DST: variants seen among roughly 807,000 people sequenced by gnomAD.
The protein encoded by DST is dystonin, also known as bullous pemphigoid antigen.
In DST, 253 loss-of-function variants were observed where a neutral mutation model predicts 875.2. The ratio of observed to expected loss-of-function variants is 0.29; its 90% confidence interval spans 0.26 to 0.32. The LOEUF (loss-of-function observed/expected upper bound fraction) is 0.32, where lower values mean the gene tolerates loss of function less well. DST is among the 10% of genes least tolerant of loss of function. The pLI is 1.00. For synonymous variants in DST, 3,124 were observed against 3,197.1 expected, an observed-to-expected ratio of 0.98 and a Z score of 0.77; for missense variants, 8,287 against 9,111.6, an observed-to-expected ratio of 0.91 and a Z score of 3.68.
At chr6:56,559,234 T>C (rs995477408) in intron 58 of DST, among the ~76,000 whole-genome samples, 3 of 151,928 alleles carry the variant, frequency 2.0e-5, no homozygotes, top group African/African-American at 7.3e-5. Context: ...ATCCAGAAGG[T>C]TTTTTGAACT....
chr6:56,742,694 T>A (rs1563965405), intron 4 of DST, among the ~76,000 whole-genome samples: 1 of 152,162 alleles, frequency 6.6e-6, no homozygotes, highest in Non-Finnish European at 1.5e-5. Flanking sequence ...AACTAACTCA[T>A]CACATTCTCT....
At chr6:56,917,248 CT>C (rs1370049286) in intron 2 of DST, among the ~76,000 whole-genome samples, 1 of 152,146 alleles carries the variant, frequency 6.6e-6, no homozygotes, top group East Asian at 1.9e-4. Flanking sequence ...TGAAGACACA[CT>C]TAGCAAGAAA....
intron 58 of DST, among the ~76,000 whole-genome samples, chr6:56,558,275 G>T (rs1385656710): frequency 6.6e-6 from 1 of 152,016 alleles, no homozygotes; most frequent in East Asian, 1.9e-4. Flanking sequence ...ATATATAGTA[G>T]ATATGTATTT....
chr6:56,605,035 T>A lies in DST; in HGVS notation c.9593A>T (p.Lys3198Ile), dbSNP rs1170736565. The A allele has an allele frequency of 1.9e-6, 3 of 1,612,956 alleles. No individual in the cohort carries two copies. Among genetic ancestry groups the A allele is most frequent in the Non-Finnish European group, 1.7e-6 (2 of 1,179,356 alleles). Reference sequence around the variant, plus strand: ...ATGGCTTGGGACATCTTCATTTGGTTTGGCTACATCTTTTGCTTTTATATT... The same window carrying A: ...ATGGCTTGGGACATCTTCATTTGGTATGGCTACATCTTTTGCTTTTATATT... ...AKNIKAKDVAKPNEDVPSHVL... is the reference protein window; with the variant it reads ...AKNIKAKDVAIPNEDVPSHVL... The change falls in exon 40 of 104, where the codon AAA becomes ATA. Residue 3198 changes from lysine to isoleucine, a missense_variant. Physicochemically the swap from Lys to Ile is moderately radical, Grantham distance 102. Coordinates refer to ENST00000680361, the MANE Select transcript of DST (RefSeq NM_001374736.1).
chr6:56,808,070 T>C (rs2099755295), intron 4 of DST, among the ~76,000 whole-genome samples: 1 of 152,170 alleles, frequency 6.6e-6, no homozygotes, highest in African/African-American at 2.4e-5. Context: ...CAAGTTCTGG[T>C]TTAAACATCA....
chr6:56,704,468 G>A (rs1321154326), intron 5 of DST, 99 bp from the exon 6 acceptor site: 1 of 599,070 alleles, frequency 1.7e-6, no homozygotes, highest in Non-Finnish European at 2.9e-6. Flanking sequence ...TTCCTCACAT[G>A]GTATTCATTC....
At position 56,610,523 on chromosome 6, in the gene DST, C is replaced by A; in HGVS notation, c.5187G>T (p.Val1729=). 6.4e-7 allele frequency: 1 copy of A among 1,564,628 alleles called. No individual in the cohort carries two copies. Among genetic ancestry groups the A allele is most frequent in the South Asian group, 1.2e-5 (1 of 82,524 alleles). The change falls in exon 39 of 104, where the codon GTG becomes GTT. Residue 1729 remains valine (V), a synonymous_variant. Coordinates refer to ENST00000680361, the MANE Select transcript of DST (RefSeq NM_001374736.1). ...DEERNELEKQ[V]KTLQESYNLL... ...AATTATAACTTTCCTGAAGAGTTTT[C>A]ACTTGTTTTTCCAATTCATTTCTTT...
chr6:56,462,275 C>A (rs924250794), intron 102 of DST, among the ~76,000 whole-genome samples: 1 of 152,130 alleles, frequency 6.6e-6, no homozygotes, highest in Non-Finnish European at 1.5e-5. Context: ...AAAAGATATA[C>A]AGCTGATTTT....
intron 3 of DST, among the ~76,000 whole-genome samples, chr6:56,883,471 A>G (rs1462984165): frequency 1.3e-5 from 2 of 152,234 alleles, no homozygotes; most frequent in Admixed American, 6.5e-5. Flanking sequence ...GGAGATGGCC[A>G]TAAGAACAAT....
In DST at chr6:56,857,372, C is replaced by T. The variant is rs1285083793; in HGVS notation, c.418-5768G>A. Among the ~76,000 whole-genome samples, 4 of 152,090 alleles carry T rather than the reference C, an allele frequency of 2.6e-5. No homozygotes were observed. The East Asian group carries it at 7.7e-4, about 29-fold the overall frequency. On this transcript the variant is annotated intron_variant, in intron 3 of 103. Coordinates refer to ENST00000680361, the MANE Select transcript of DST (RefSeq NM_001374736.1). Reference sequence around the variant, plus strand: ...GTGTTGCTTAGTTTATTCCTGTGCTCACAAAATCAACAGGTGCAGGTTGCA... The same window carrying T: ...GTGTTGCTTAGTTTATTCCTGTGCTTACAAAATCAACAGGTGCAGGTTGCA...
intron 2 of DST, among the ~76,000 whole-genome samples, chr6:56,914,608 A>C (rs1446612630): frequency 6.6e-6 from 1 of 152,214 alleles, no homozygotes; most frequent in Non-Finnish European, 1.5e-5. Context: ...GGCACTCCCC[A>C]ATAAATCTCC....
chr6:56,779,120 TTCTC>T (rs1274879104), intron 4 of DST, among the ~76,000 whole-genome samples: 1 of 152,126 alleles, frequency 6.6e-6, no homozygotes, highest in Non-Finnish European at 1.5e-5. Context: ...TGATTTGCAT[TTCTC>T]TGATGGCCAG....
At chr6:56,484,739 T>G (rs947240713) in intron 88 of DST, 1 of 152,378 alleles carries the variant, frequency 6.6e-6, no homozygotes, top group Non-Finnish European at 1.5e-5. Flanking sequence ...CAGTTTTACA[T>G]GCATATCAGG....
chr6:56,582,754 C>T (rs139768837), intron 49 of DST, among the ~76,000 whole-genome samples: 269 of 152,056 alleles, frequency 1.8e-3, no homozygotes, highest in African/African-American at 6.1e-3. Flanking sequence ...CCTACCCCCA[C>T]CCCACAACAG....
chr6:56,624,223 T>C, intron 36 of DST: 1 of 586,102 alleles, frequency 1.7e-6, no homozygotes, highest in Admixed American at 3.0e-5. Context: ...CCGAAAAATA[T>C]TCTGCCAAAC....
intron 4 of DST, among the ~76,000 whole-genome samples, chr6:56,784,831 C>T (rs1475423458): frequency 6.6e-6 from 1 of 152,176 alleles, no homozygotes; most frequent in Non-Finnish European, 1.5e-5. Context: ...TTTTTCTGCT[C>T]TGTTTTTTTC....
At chr6:56,653,621 G>A (rs1163453019) in intron 10 of DST, among the ~76,000 whole-genome samples, 2 of 152,104 alleles carry the variant, frequency 1.3e-5, no homozygotes, top group Non-Finnish European at 2.9e-5. Context: ...GGAGGCAGAG[G>A]TTGCAGTGAG....
chr6:56,669,586 A>C (rs1362893965), intron 10 of DST, among the ~76,000 whole-genome samples: 1 of 144,722 alleles, frequency 6.9e-6, no homozygotes, highest in African/African-American at 2.8e-5. Context: ...ATAGTGCAAG[A>C]CTTCATCTCA....
intron 21 of DST, 38 bp from the exon 22 acceptor site, chr6:56,639,401 A>G (rs1563378101): frequency 6.2e-7 from 1 of 1,613,126 alleles, no homozygotes; most frequent in Admixed American, 1.7e-5. Context: ...AGAAAAATAT[A>G]TAAACCTAAA....
Sources: gnomAD v4.1 joint callset for allele counts (sites outside exome capture counted in the v4.1 genomes callset) on GRCh38, gnomAD v4.1.1 for gene constraint, MANE v1.5 for transcripts, NCBI Gene and HGNC (gene_info 2026-07-23, HGNC 2026-07-21) for gene names.